The following GALK2 variants were observed in gnomAD, a reference collection of about 807,000 sequenced individuals.
GALK2 encodes N-acetylgalactosamine kinase.
A neutral mutation model predicts 52.4 loss-of-function variants in GALK2; 36 were observed. The observed-to-expected ratio is 0.69, with a 90% CI of 0.53 to 0.91. The LOEUF (loss-of-function observed/expected upper bound fraction) is 0.91, where lower values mean the gene tolerates loss of function less well. Among genes scored for constraint, GALK2 ranks in the 40% least tolerant of loss-of-function variants. GALK2 has a pLI of 0.00. For missense variants in GALK2, 579 were observed against 559.1 expected (o/e 1.04, Z -0.36); for synonymous variants, 176 against 199.1 (o/e 0.88, Z 0.98).
chr15:49,181,102 C>T (rs79212602), intron 1 of GALK2, among the ~76,000 whole-genome samples: 2 of 118,322 alleles, frequency 1.7e-5, no homozygotes, highest in African/African-American at 3.1e-5. Flanking sequence ...TCCCTCCCCC[C>T]TCCCCTCATC....
intron 5 of GALK2, among the ~76,000 whole-genome samples, chr15:49,260,904 C>G (rs928170019): frequency 5.3e-5 from 8 of 152,092 alleles, no homozygotes; most frequent in African/African-American, 1.9e-4. Context: ...TCTGAGGGCT[C>G]TGTTCTGTTC....
chr15:49,238,159 A>T (rs934672380), intron 4 of GALK2, among the ~76,000 whole-genome samples: 2 of 152,212 alleles, frequency 1.3e-5, no homozygotes, highest in Non-Finnish European at 1.5e-5. Context: ...ATAATTAGGT[A>T]ATAGTATTTC....
chr15:49,274,197 G>A (rs949309832), intron 5 of GALK2, among the ~76,000 whole-genome samples: 2 of 152,118 alleles, frequency 1.3e-5, no homozygotes, highest in African/African-American at 4.8e-5. Flanking sequence ...TTGTCATTGT[G>A]TCAACATCAT....
chr15:49,263,772 G>GA (rs2092240694), intron 5 of GALK2, among the ~76,000 whole-genome samples: 1 of 113,412 alleles, frequency 8.8e-6, no homozygotes, highest in African/African-American at 3.6e-5. Context: ...CTGTTGGTGA[G>GA]AAAATCTCTC....
chr15:49,225,305 G>T (rs961634550), intron 3 of GALK2: 1 of 452,194 alleles, frequency 2.2e-6, no homozygotes, highest in African/African-American at 2.0e-5. Context: ...CCCAATCCCT[G>T]TTACTGCTTC....
At position 49,178,195 on chromosome 15, in the gene GALK2, CTATATATATA is replaced by C. The variant is rs71120671; in HGVS notation, c.53+7843_53+7852del. On this transcript the variant is annotated intron_variant, in intron 1 of 9. Coordinates refer to ENST00000560031, the MANE Select transcript of GALK2 (RefSeq NM_002044.4). Reference sequence around the variant, plus strand: ...AAAAAAAAAAAAAAAAAAAGAAATACTATATATATATATATATATATATATATATATAGAA... The same window carrying C: ...AAAAAAAAAAAAAAAAAAAGAAATACTATATATATATATATATATATAGAA... Among the ~76,000 whole-genome samples the C allele has an allele frequency of 7.7e-4, 39 of 50,530 alleles. 1 individual carries two copies. The highest frequency in any genetic ancestry group is 0.018 in the Middle Eastern group (1 of 56). 33.1% of individuals were successfully genotyped at this position (50,530 alleles called of 152,430 possible).
chr15:49,245,321 G>A (rs564093387), intron 5 of GALK2, among the ~76,000 whole-genome samples: 107 of 152,290 alleles, frequency 7.0e-4, no homozygotes, highest in African/African-American at 2.6e-3. Flanking sequence ...TTGGGGATAG[G>A]GATGACAGAG....
At chr15:49,257,992 A>G (rs983768636) in intron 5 of GALK2, among the ~76,000 whole-genome samples, 2 of 150,840 alleles carry the variant, frequency 1.3e-5, no homozygotes, top group Non-Finnish European at 3.0e-5. Flanking sequence ...TAGAAATTAA[A>G]GAAAATTATC....
intron 8 of GALK2, among the ~76,000 whole-genome samples, chr15:49,310,948 C>T (rs778851267): frequency 6.6e-6 from 1 of 152,058 alleles, no homozygotes; most frequent in Admixed American, 6.6e-5. Flanking sequence ...TGTTGTCTTA[C>T]GCATAAGTTC....
At chr15:49,292,855 AAGTT>A (rs1235221132) in intron 8 of GALK2, among the ~76,000 whole-genome samples, 3 of 152,130 alleles carry the variant, frequency 2.0e-5, no homozygotes, top group Non-Finnish European at 4.4e-5. Flanking sequence ...AAAATGGACT[AAGTT>A]AGAGAACTGC....
intron 1 of GALK2, among the ~76,000 whole-genome samples, chr15:49,187,631 C>T (rs1193948715): frequency 2.6e-5 from 4 of 152,144 alleles, no homozygotes; most frequent in Non-Finnish European, 4.4e-5. Flanking sequence ...AGCTGGCACC[C>T]AAGCTGCAAG....
At position 49,328,265 on chromosome 15, in the gene GALK2, C is replaced by T. The variant is rs1480171945; in HGVS notation, c.*106C>T. The T allele has an allele frequency of 2.7e-5, 39 of 1,458,988 alleles. No homozygotes were observed. The highest frequency in any genetic ancestry group is 1.0e-4 in the East Asian group (4 of 40,118). 90.4% of individuals were successfully genotyped at this position (1,458,988 alleles called of 1,614,324 possible). On this transcript the variant is annotated 3_prime_UTR_variant, in exon 10 of 10. Transcript: ENST00000560031. ...TCCTTCTGTTTTGTATTATGATGAA[C>T]GGTTGCTATTATATCAAGATATATT...
At position 49,331,608 on chromosome 15, in the gene GALK2, T is replaced by C. The variant is rs1006840422; in HGVS notation, c.*3449T>C. Reference sequence around the variant, plus strand: ...TGTGAACATGAGTTGTCACTAAATATGTAAAACAGATTTTCTTACATGTGC... The same window carrying C: ...TGTGAACATGAGTTGTCACTAAATACGTAAAACAGATTTTCTTACATGTGC... On this transcript the variant is annotated 3_prime_UTR_variant, in exon 10 of 10. Transcript: ENST00000560031. 4.1e-5 allele frequency: 23 copies of C among 561,148 alleles called. No homozygotes were observed. The African/African-American group carries it at 4.1e-4, about 10-fold the overall frequency. 34.8% of individuals were successfully genotyped at this position (561,148 alleles called of 1,614,324 possible). A position where few individuals can be genotyped will look rare whatever the true frequency, so the allele number is the denominator to read the frequency against.
chr15:49,305,597 G>A (rs924067608), intron 8 of GALK2, among the ~76,000 whole-genome samples: 2 of 152,172 alleles, frequency 1.3e-5, no homozygotes, highest in Non-Finnish European at 2.9e-5. Flanking sequence ...CTTTTAATGA[G>A]AAGTTATAAA....
intron 2 of GALK2, among the ~76,000 whole-genome samples, chr15:49,212,651 G>T (rs1478277867): frequency 6.6e-6 from 1 of 151,932 alleles, no homozygotes; most frequent in Non-Finnish European, 1.5e-5. Context: ...TTTTAAATGT[G>T]CTTTTTTGTA....
intron 9 of GALK2, among the ~76,000 whole-genome samples, chr15:49,323,833 A>C (rs985862660): frequency 3.3e-5 from 5 of 152,200 alleles, no homozygotes; most frequent in African/African-American, 1.2e-4. Flanking sequence ...GGGAGGATGA[A>C]GGAAACTATA....
chr15:49,236,894 A>G (rs1221798595), intron 4 of GALK2, among the ~76,000 whole-genome samples: 1 of 152,218 alleles, frequency 6.6e-6, no homozygotes, highest in Non-Finnish European at 1.5e-5. Context: ...GTAGTCCTAT[A>G]CTGTAACAGT....
chr15:49,290,321 A>G (rs1023733480), intron 7 of GALK2, among the ~76,000 whole-genome samples: 2 of 152,242 alleles, frequency 1.3e-5, no homozygotes, highest in Non-Finnish European at 2.9e-5. Context: ...CATTGAGGGC[A>G]TATGGTAGAT....
At chr15:49,313,892 G>A (rs541363479) in intron 8 of GALK2, among the ~76,000 whole-genome samples, 1 of 152,052 alleles carries the variant, frequency 6.6e-6, no homozygotes, top group East Asian at 1.9e-4. Flanking sequence ...ATTGCTCTTA[G>A]CAGAAGATGA....
Sources: gnomAD v4.1 joint callset for allele counts (sites outside exome capture counted in the v4.1 genomes callset) on GRCh38, gnomAD v4.1.1 for gene constraint, MANE v1.5 for transcripts, NCBI Gene and HGNC (gene_info 2026-07-23, HGNC 2026-07-21) for gene names.